EBF2: variants seen among roughly 807,000 people sequenced by gnomAD.
The protein encoded by EBF2 is transcription factor COE2.
A neutral mutation model predicts 72.8 loss-of-function variants in EBF2; 21 were observed. The ratio of observed to expected loss-of-function variants is 0.29; its 90% CI spans 0.20 to 0.42. The LOEUF is 0.42. Ranked by LOEUF, EBF2 falls within the 10% of genes least tolerant of loss-of-function variation. The pLI is 1.00. For missense variants in EBF2, 637 were observed against 731.2 expected, an observed-to-expected ratio of 0.87 and a Z score of 1.49; for synonymous variants, 299 against 274.2, an observed-to-expected ratio of 1.09 and a Z score of -0.89.
chr8:25,871,639 T>C (rs1431590356), intron 10 of EBF2, among the ~76,000 whole-genome samples: 2 of 152,204 alleles, frequency 1.3e-5, no homozygotes, highest in Admixed American at 6.5e-5. Flanking sequence ...TTGCTATACA[T>C]AGAATGTCTT....
At position 26,014,243 on chromosome 8, in the gene EBF2, G is replaced by A. The variant is rs1039540376; in HGVS notation, c.551+18842C>T. On this transcript the variant is annotated intron_variant, in intron 6 of 15. Transcript: ENST00000520164. Reference sequence around the variant, plus strand: ...ACTCTGGACACTCCACTTAATAACAGGCAACAATTCCCTCCTGCTTATATT... The same window carrying A: ...ACTCTGGACACTCCACTTAATAACAAGCAACAATTCCCTCCTGCTTATATT... Among the ~76,000 whole-genome samples, 9 of 151,890 alleles carry A rather than the reference G, an allele frequency of 5.9e-5. No individual in the cohort carries two copies. In the East Asian group the frequency reaches 1.7e-3, roughly 29 times the overall value.
At chr8:25,988,140 T>C (rs1804490948) in intron 6 of EBF2, among the ~76,000 whole-genome samples, 1 of 151,996 alleles carries the variant, frequency 6.6e-6, no homozygotes, top group South Asian at 2.1e-4. Flanking sequence ...GGAGTGTAGA[T>C]AGAAGAGAAA....
chr8:26,019,707 C>T (rs1219295472), intron 6 of EBF2, among the ~76,000 whole-genome samples: 1 of 152,190 alleles, frequency 6.6e-6, no homozygotes, highest in Non-Finnish European at 1.5e-5. Context: ...ACAGCTCTTT[C>T]TCTCCTGGTC....
chr8:25,989,544 T>C (rs551159244), intron 6 of EBF2, among the ~76,000 whole-genome samples: 1 of 152,364 alleles, frequency 6.6e-6, no homozygotes, highest in African/African-American at 2.4e-5. Flanking sequence ...TCAGAGACTA[T>C]AGACATTTTA....
At chr8:26,005,561 TAGAG>T (rs1554481009) in intron 6 of EBF2, among the ~76,000 whole-genome samples, 2 of 63,900 alleles carry the variant, frequency 3.1e-5, no homozygotes, top group East Asian at 8.4e-4. Flanking sequence ...TATATATATA[TAGAG>T]AGAGAGAGAG....
intron 6 of EBF2, among the ~76,000 whole-genome samples, chr8:26,002,593 G>C (rs1804748910): frequency 6.6e-6 from 1 of 152,176 alleles, no homozygotes; most frequent in Admixed American, 6.5e-5. Context: ...GTTCCTCAGA[G>C]AGAACATTAA....
chr8:26,031,463 A>G (rs983706495), intron 6 of EBF2: 6 of 115,066 alleles, frequency 5.2e-5, no homozygotes, highest in African/African-American at 2.1e-4. Context: ...ACAGAGTCTC[A>G]CTGTCTCTGT....
In EBF2 at chr8:25,843,838, G is replaced by A. The variant is rs186989436; in HGVS notation, c.*771C>T. On this transcript the variant is annotated 3_prime_UTR_variant, in exon 16 of 16. Transcript: ENST00000520164. ...CAATAAAGTGATGGAAAAGGAGGGGGTGCAGGACAGGGGATAAGAATCTAG... is the reference window on the plus strand; with the variant it reads ...CAATAAAGTGATGGAAAAGGAGGGGATGCAGGACAGGGGATAAGAATCTAG... 1.3e-5 allele frequency: 2 copies of A among 152,176 alleles called. No homozygotes were observed. Among genetic ancestry groups the A allele is most frequent in the South Asian group, 2.1e-4 (1 of 4,824 alleles). 9.4% of individuals were successfully genotyped at this position (152,176 alleles called of 1,614,324 possible).
chr8:25,927,545 A>C (rs1294071948), intron 6 of EBF2, among the ~76,000 whole-genome samples: 2 of 152,040 alleles, frequency 1.3e-5, no homozygotes, highest in African/African-American at 4.8e-5. Context: ...GAAAACACAA[A>C]AGAACGTAAA....
chr8:25,922,676 T>C (rs7010269), intron 6 of EBF2, among the ~76,000 whole-genome samples: 81,418 of 152,096 alleles, frequency 0.54, 24,343 homozygotes, highest in East Asian at 0.74. Context: ...AAACTTTCAG[T>C]GTCACTGGCT....
intron 6 of EBF2, among the ~76,000 whole-genome samples, chr8:26,026,770 T>A (rs1805308049): frequency 6.6e-6 from 1 of 152,150 alleles, no homozygotes; most frequent in African/African-American, 2.4e-5. Context: ...ACTCTGCAGT[T>A]TTTCTTCCTA....
chr8:25,958,757 G>A (rs1027372252), intron 6 of EBF2, among the ~76,000 whole-genome samples: 2 of 152,134 alleles, frequency 1.3e-5, no homozygotes, highest in African/African-American at 2.4e-5. Flanking sequence ...GTAGAACGGC[G>A]GCTTTCCCTT....
chr8:25,982,389 G>A (rs1804376726), intron 6 of EBF2, among the ~76,000 whole-genome samples: 1 of 152,134 alleles, frequency 6.6e-6, no homozygotes, highest in Admixed American at 6.5e-5. Context: ...CACAGCACAG[G>A]CCCCAGCCAG....
At chr8:25,868,817 T>C (rs1802380481) in intron 10 of EBF2, among the ~76,000 whole-genome samples, 1 of 152,224 alleles carries the variant, frequency 6.6e-6, no homozygotes, top group Non-Finnish European at 1.5e-5. Flanking sequence ...TTTAGACTTC[T>C]CTGAAAATAT....
chr8:25,918,505 C>T (rs1226487715), intron 6 of EBF2, among the ~76,000 whole-genome samples: 2 of 152,150 alleles, frequency 1.3e-5, no homozygotes, highest in Non-Finnish European at 2.9e-5. Flanking sequence ...CACCTTCTGT[C>T]GCTAATTAAT....
intron 6 of EBF2, among the ~76,000 whole-genome samples, chr8:25,986,532 G>A (rs1031222270): frequency 3.3e-5 from 5 of 152,186 alleles, no homozygotes; most frequent in African/African-American, 1.2e-4. Flanking sequence ...TTCGATGCTT[G>A]ACTGTGTGAA....
At chr8:25,903,675 C>A (rs1221846145) in intron 7 of EBF2, among the ~76,000 whole-genome samples, 1 of 151,882 alleles carries the variant, frequency 6.6e-6, no homozygotes, top group East Asian at 1.9e-4. Flanking sequence ...CCAGCCTGGG[C>A]GACAGAGCGA....
intron 6 of EBF2, among the ~76,000 whole-genome samples, chr8:25,965,927 C>T (rs894308488): frequency 6.6e-6 from 1 of 152,366 alleles, no homozygotes; most frequent in East Asian, 1.9e-4. Flanking sequence ...CAGCAAAGTG[C>T]GTCCTGCCCT....
intron 6 of EBF2, among the ~76,000 whole-genome samples, chr8:25,928,046 C>T (rs1418209779): frequency 1.3e-5 from 2 of 152,144 alleles, no homozygotes; most frequent in South Asian, 4.1e-4. Context: ...CTCTCCTATC[C>T]TCCACACAAA....
Sources: allele counts gnomAD v4.1 joint callset (sites outside exome capture counted in the v4.1 genomes callset), GRCh38; gene constraint gnomAD v4.1.1; transcripts MANE v1.5; gene names NCBI Gene and HGNC (gene_info 2026-07-23, HGNC 2026-07-21).